Variants in ADGRL3 observed in about 807,000 individuals in gnomAD.
ADGRL3 encodes adhesion G protein-coupled receptor L3, also known as calcium-independent alpha-latrotoxin receptor 3.
ADGRL3 carries 62 observed loss-of-function variants against 153.5 expected under a neutral mutation model. The ratio of observed to expected loss-of-function variants is 0.40; its 90% CI spans 0.33 to 0.50. The LOEUF is 0.50. Among genes scored for constraint, ADGRL3 ranks in the 20% least tolerant of loss-of-function variants. The pLI is 0.47. For synonymous variants in ADGRL3, 710 were observed against 672.5 expected, an observed-to-expected ratio of 1.06 and a Z score of -0.86; for missense variants, 1,641 against 1,859.4, an observed-to-expected ratio of 0.88 and a Z score of 2.16.
intron 8 of ADGRL3, among the ~76,000 whole-genome samples, chr4:61,744,473 G>A (rs1413871404): frequency 6.6e-6 from 1 of 152,108 alleles, no homozygotes; most frequent in Non-Finnish European, 1.5e-5. Flanking sequence ...CCCAGTAGGG[G>A]CAGACTGACA....
At chr4:61,501,364 C>G (rs2098384760) in intron 3 of ADGRL3, among the ~76,000 whole-genome samples, 1 of 152,120 alleles carries the variant, frequency 6.6e-6, no homozygotes, top group Non-Finnish European at 1.5e-5. Flanking sequence ...GGATGTATAA[C>G]TTCTAACATG....
At chr4:61,996,030 A>G (rs995392341) in intron 19 of ADGRL3, among the ~76,000 whole-genome samples, 1 of 151,596 alleles carries the variant, frequency 6.6e-6, no homozygotes, top group Non-Finnish European at 1.5e-5. Context: ...AAAAGTTTCT[A>G]TGACAGACAC....
At chr4:61,270,299 A>G (rs928626088) in intron 1 of ADGRL3, among the ~76,000 whole-genome samples, 1 of 151,762 alleles carries the variant, frequency 6.6e-6, no homozygotes, top group African/African-American at 2.4e-5. Flanking sequence ...AGGTTTTCAT[A>G]AAAGTAAACC....
chr4:61,886,244 A>C (rs1223978037), intron 9 of ADGRL3, among the ~76,000 whole-genome samples: 1 of 152,116 alleles, frequency 6.6e-6, no homozygotes, highest in Non-Finnish European at 1.5e-5. Flanking sequence ...GCTGCCACCA[A>C]CTGATAGCCA....
chr4:61,595,802 G>C (rs919234641), intron 5 of ADGRL3, among the ~76,000 whole-genome samples: 1 of 152,108 alleles, frequency 6.6e-6, no homozygotes, highest in African/African-American at 2.4e-5. Context: ...GCCCTCAGTG[G>C]TGAGGCTTGC....
chr4:61,910,158 ATCT>A (rs1218268067), intron 12 of ADGRL3, among the ~76,000 whole-genome samples: 1 of 151,888 alleles, frequency 6.6e-6, no homozygotes, highest in Non-Finnish European at 1.5e-5. Context: ...GATGTTATAG[ATCT>A]TCTTGTGGAA....
chr4:61,545,745 C>T (rs934240791), intron 4 of ADGRL3, among the ~76,000 whole-genome samples: 1 of 152,112 alleles, frequency 6.6e-6, no homozygotes, highest in East Asian at 1.9e-4. Flanking sequence ...AAACTCCTGA[C>T]CTCAGGTGAT....
At chr4:61,799,560 A>G (rs936132204) in intron 8 of ADGRL3, among the ~76,000 whole-genome samples, 4 of 152,196 alleles carry the variant, frequency 2.6e-5, no homozygotes, top group Admixed American at 6.5e-5. Flanking sequence ...ACTCTATGAA[A>G]TATCTATCAA....
chr4:61,363,187 C>T (rs1053353493), intron 1 of ADGRL3, among the ~76,000 whole-genome samples: 1 of 152,094 alleles, frequency 6.6e-6, no homozygotes, highest in Non-Finnish European at 1.5e-5. Flanking sequence ...AGCATTTGTC[C>T]TAATGTTAGT....
intron 1 of ADGRL3, among the ~76,000 whole-genome samples, chr4:61,309,812 G>C (rs1003435389): frequency 6.6e-6 from 1 of 151,998 alleles, no homozygotes; most frequent in South Asian, 2.1e-4. Flanking sequence ...CAATAGGATG[G>C]CAGATGGAAC....
At chr4:61,781,331 CAAA>C (rs71281828) in intron 8 of ADGRL3, among the ~76,000 whole-genome samples, 6 of 64,406 alleles carry the variant, frequency 9.3e-5, no homozygotes, top group East Asian at 3.5e-4. Flanking sequence ...ATTCTGCCTC[CAAA>C]AAAAAAAAAA....
intron 21 of ADGRL3, among the ~76,000 whole-genome samples, chr4:62,003,672 G>A (rs193069490): frequency 1.3e-5 from 2 of 152,066 alleles, no homozygotes; most frequent in Non-Finnish European, 2.9e-5. Context: ...TTGATTCCTT[G>A]TGTTTTTAAT....
chr4:61,879,545 T>A (rs1470567803), intron 9 of ADGRL3, among the ~76,000 whole-genome samples: 1 of 152,138 alleles, frequency 6.6e-6, no homozygotes, highest in Non-Finnish European at 1.5e-5. Context: ...TTTTCACTTG[T>A]TTTCATGTTG....
At chr4:61,509,788 T>C (rs1289940105) in intron 3 of ADGRL3, among the ~76,000 whole-genome samples, 3 of 152,192 alleles carry the variant, frequency 2.0e-5, no homozygotes, top group Non-Finnish European at 2.9e-5. Flanking sequence ...TACCCAATAA[T>C]GGGAATACTG....
chr4:61,631,607 A>C (rs1052559092), intron 5 of ADGRL3, among the ~76,000 whole-genome samples: 2 of 152,128 alleles, frequency 1.3e-5, no homozygotes, highest in East Asian at 3.9e-4. Context: ...ATTACCGTTA[A>C]AATAATTATT....
At chr4:61,838,621 T>A (rs1321933373) in intron 9 of ADGRL3, among the ~76,000 whole-genome samples, 1 of 152,130 alleles carries the variant, frequency 6.6e-6, no homozygotes, top group African/African-American at 2.4e-5. Context: ...GCTTAACATC[T>A]TTGACTAGAA....
intron 5 of ADGRL3, among the ~76,000 whole-genome samples, chr4:61,644,095 C>G (rs2093831806): frequency 1.7e-5 from 1 of 60,200 alleles, no homozygotes; most frequent in Non-Finnish European, 3.4e-5. Context: ...TTGTAGTATT[C>G]TCTGATGGTA....
At chr4:61,449,965 T>G (rs2097653896) in intron 2 of ADGRL3, among the ~76,000 whole-genome samples, 1 of 152,210 alleles carries the variant, frequency 6.6e-6, no homozygotes, top group Admixed American at 6.5e-5. Flanking sequence ...TAATGTGATA[T>G]TCTACTAATT....
chr4:61,949,670 G>T (rs2098939617), intron 17 of ADGRL3, among the ~76,000 whole-genome samples: 1 of 151,942 alleles, frequency 6.6e-6, no homozygotes, highest in Admixed American at 6.6e-5. Context: ...ACTCCAGCAT[G>T]GGAGACAGAG....
Sources: gnomAD v4.1 joint callset for allele counts (sites outside exome capture counted in the v4.1 genomes callset) on GRCh38, gnomAD v4.1.1 for gene constraint, MANE v1.5 for transcripts, NCBI Gene and HGNC (gene_info 2026-07-23, HGNC 2026-07-21) for gene names.